Variants in HIVEP3 observed in about 807,000 individuals in gnomAD.
The protein encoded by HIVEP3 is HIVEP zinc finger 3.
In HIVEP3, 49 loss-of-function variants were observed where a neutral mutation model predicts 152.8. That is an observed-to-expected ratio of 0.32 (90% CI 0.26 to 0.41). The LOEUF (loss-of-function observed/expected upper bound fraction) is 0.41, where lower values mean the gene tolerates loss of function less well. Ranked by LOEUF, HIVEP3 falls within the 10% of genes least tolerant of loss-of-function variation. HIVEP3 has a pLI of 1.00. For synonymous variants in HIVEP3, 1,269 were observed against 1,289.0 expected (o/e 0.98, Z 0.33); for missense variants, 2,790 against 3,103.3 (o/e 0.90, Z 2.40).
chr1:41,618,618 T>C (rs1461298212), intron 3 of HIVEP3, among the ~76,000 whole-genome samples: 1 of 151,396 alleles, frequency 6.6e-6, no homozygotes, highest in Non-Finnish European at 1.5e-5. Context: ...GTCTAAGTCC[T>C]TTCTTAAGCC....
In HIVEP3 at chr1:41,524,922, A is replaced by C. The variant is rs752536309; in HGVS notation, c.5208-12T>G. The C allele has an allele frequency of 6.2e-7, 1 of 1,607,590 alleles. No homozygotes were observed. The highest frequency in any genetic ancestry group is 1.1e-5 in the South Asian group (1 of 90,652). ...CGTTTGATTTGTACCTATGAGCAAC[A>C]GGCGTCATAGTAAAGGGAAAAAAAA... On this transcript the variant is annotated splice_polypyrimidine_tract_variant and intron_variant, in intron 5 of 8. Transcript: ENST00000372583.
At chr1:41,532,726 T>TG (rs1375157950) in intron 5 of HIVEP3, among the ~76,000 whole-genome samples, 1 of 151,858 alleles carries the variant, frequency 6.6e-6, no homozygotes, top group Non-Finnish European at 1.5e-5. Context: ...CCCCCGAGCT[T>TG]GGGGGGAAGT....
chr1:41,806,242 C>T (rs1026382394), intron 1 of HIVEP3, among the ~76,000 whole-genome samples: 2 of 152,234 alleles, frequency 1.3e-5, no homozygotes, highest in African/African-American at 2.4e-5. Context: ...CCCTTATCAT[C>T]CCCTCTCTTC....
At position 41,583,800 on chromosome 1, in the gene HIVEP3, T is replaced by C. The variant is rs1558088880; in HGVS notation, c.998A>G (p.Gln333Arg). ...AAATGGAGGGGGGTCTTCGAGTGAC[T>C]GGGCTGTGCTGGACTGGGACAGGGA... The part of the protein sequence containing the change: ...RCSLSQSSTA[Q>R]SLEDPPPFVE... The change falls in exon 4 of 9, where the codon CAG becomes CGG. Residue 333 changes from glutamine to arginine, a missense_variant. Gln to Arg is a conservative substitution (Grantham distance 43). This residue lies in a region of HIVEP3 where 125 missense variants were observed against 130.1 expected (regional missense o/e 0.96). Coordinates refer to ENST00000372583, the MANE Select transcript of HIVEP3 (RefSeq NM_024503.5). This position sits in a 1 kb window ranked among gnomAD's most constrained non-coding sequence, Gnocchi z 6.9. The C allele has an allele frequency of 6.3e-7, 1 of 1,594,324 alleles. No homozygotes were observed. Among genetic ancestry groups the C allele is most frequent in the Non-Finnish European group, 8.6e-7 (1 of 1,169,556 alleles).
In HIVEP3 at chr1:41,583,074, T is replaced by C. The variant is rs2810566; in HGVS notation, c.1724A>G (p.His575Arg). The change falls in exon 4 of 9, where the codon CAC (histidine) becomes CGC (arginine). Residue 575 changes from histidine (H) to arginine (R), a missense_variant. Around this residue, in one of 9 missense-constraint regions of HIVEP3, gnomAD observed 339 missense variants for 327.0 expected, o/e 1.04. Transcript: ENST00000372583. This position sits in a 1 kb window ranked among gnomAD's most constrained non-coding sequence, Gnocchi z 6.9. ...GTGGGAGGTAAACACGTGACTGCTG[T>C]GGCTCAGGGCTTCGGAGTCGGTGAT... Reference protein sequence around the residue: ...DHITDSEALSHSSHVFTSHPR... With the variant: ...DHITDSEALSRSSHVFTSHPR... The C allele has an allele frequency of 1, 1,610,809 of 1,613,760 alleles. 803,978 individuals carry two copies. Among genetic ancestry groups the C allele is most frequent in the Non-Finnish European group, 1 (1,179,947 of 1,180,006 alleles).
intron 1 of HIVEP3, among the ~76,000 whole-genome samples, chr1:41,861,200 C>T (rs1643883917): frequency 6.6e-6 from 1 of 152,220 alleles, no homozygotes; most frequent in South Asian, 2.1e-4. Flanking sequence ...CATGTTATAG[C>T]TGAATACACA....
At chr1:41,825,621 T>A (rs983885372) in intron 1 of HIVEP3, among the ~76,000 whole-genome samples, 5 of 151,976 alleles carry the variant, frequency 3.3e-5, no homozygotes, top group Admixed American at 6.6e-5. Flanking sequence ...ATATATATTT[T>A]TTGAAACAGG....
intron 1 of HIVEP3, among the ~76,000 whole-genome samples, chr1:41,810,740 C>T (rs1650906930): frequency 6.6e-6 from 1 of 152,240 alleles, no homozygotes; most frequent in African/African-American, 2.4e-5. Context: ...TATATGGTTA[C>T]AGTCTTTTAA....
chr1:41,572,665 C>A (rs1006523900), intron 5 of HIVEP3, among the ~76,000 whole-genome samples: 3 of 152,202 alleles, frequency 2.0e-5, no homozygotes, highest in African/African-American at 7.2e-5. Flanking sequence ...GTAGATCCTC[C>A]TCCCTGATGA....
At chr1:41,930,580 G>A (rs1644991441) in intron 1 of HIVEP3, among the ~76,000 whole-genome samples, 1 of 152,140 alleles carries the variant, frequency 6.6e-6, no homozygotes, top group Admixed American at 6.6e-5. Context: ...AAATATTCAT[G>A]TATGGGTTTC....
intron 1 of HIVEP3, among the ~76,000 whole-genome samples, chr1:42,019,408 A>G (rs1029298039): frequency 2.6e-5 from 4 of 151,910 alleles, no homozygotes; most frequent in African/African-American, 7.2e-5. Context: ...GTTTTCTTCA[A>G]TTTCTCTCAG....
intron 1 of HIVEP3, among the ~76,000 whole-genome samples, chr1:41,722,403 G>GCCTGCCTGCCTT (rs1553253035): frequency 1.8e-5 from 2 of 113,054 alleles, no homozygotes; most frequent in African/African-American, 7.2e-5. Flanking sequence ...AATTTGGCTG[G>GCCTGCCTGCCTT]CCTTCCTTCC....
intron 1 of HIVEP3, among the ~76,000 whole-genome samples, chr1:41,935,494 A>G (rs1311308244): frequency 6.6e-6 from 1 of 152,060 alleles, no homozygotes; most frequent in African/African-American, 2.4e-5. Context: ...CCACAAGGGC[A>G]TTCAGTTTCA....
At chr1:41,548,298 T>TGAGAAAGGGATTCACAGGG (rs1643853070) in intron 5 of HIVEP3, among the ~76,000 whole-genome samples, 1 of 152,138 alleles carries the variant, frequency 6.6e-6, no homozygotes, top group Admixed American at 6.5e-5. Context: ...ACCCTGCAGA[T>TGAGAAAGGGATTCACAGGG]GAGAAAGGGA....
chr1:41,548,131 T>G (rs1410341036), intron 5 of HIVEP3, among the ~76,000 whole-genome samples: 1 of 152,090 alleles, frequency 6.6e-6, no homozygotes, highest in East Asian at 1.9e-4. Context: ...ACCCTCCCAA[T>G]CAATGGCCTC....
intron 1 of HIVEP3, among the ~76,000 whole-genome samples, chr1:41,758,190 T>G (rs1471581245): frequency 6.6e-6 from 1 of 152,076 alleles, no homozygotes; most frequent in African/African-American, 2.4e-5. Flanking sequence ...CAGGTTTTGG[T>G]GGGGTCTGAA....
chr1:41,850,295 A>C (rs959240715), intron 1 of HIVEP3, among the ~76,000 whole-genome samples: 2 of 151,956 alleles, frequency 1.3e-5, no homozygotes, highest in African/African-American at 2.4e-5. Flanking sequence ...CTGTAACCTC[A>C]TCCAAAGCAG....
chr1:41,637,033 C>G (rs1645285700), intron 2 of HIVEP3, among the ~76,000 whole-genome samples: 1 of 151,800 alleles, frequency 6.6e-6, no homozygotes, highest in East Asian at 1.9e-4. Flanking sequence ...TTGCTACCAT[C>G]AAGTGGTGGA....
intron 1 of HIVEP3, among the ~76,000 whole-genome samples, chr1:41,930,511 G>A (rs1482772944): frequency 6.6e-6 from 1 of 151,970 alleles, no homozygotes; most frequent in East Asian, 1.9e-4. Context: ...ACTTCTGTTC[G>A]CCTGTTGAAG....
Sources: allele counts gnomAD v4.1 joint callset (sites outside exome capture counted in the v4.1 genomes callset), GRCh38; gene constraint gnomAD v4.1.1; regional missense constraint gnomAD v4.1.1; non-coding constraint Gnocchi (gnomAD v3.1); transcripts MANE v1.5; gene names NCBI Gene and HGNC (gene_info 2026-07-23, HGNC 2026-07-21).